The following IL36B variants were observed in gnomAD, a reference collection of about 807,000 sequenced individuals.
IL36B encodes the protein interleukin-36 beta.
IL36B carries 23 observed loss-of-function variants against 19.3 expected under a neutral mutation model. That is an observed-to-expected ratio of 1.19 (90% CI 0.86 to 1.69). The LOEUF (loss-of-function observed/expected upper bound fraction) is 1.69. Among genes scored for constraint, IL36B ranks in the 40% most tolerant of loss-of-function variants. IL36B has a pLI of 0.00. For missense variants in IL36B, 217 were observed against 200.5 expected (o/e 1.08, Z -0.50); for synonymous variants, 59 against 59.7 (o/e 0.99, Z 0.05).
intron 2 of IL36B, 50 bp from the exon 3 acceptor site, chr2:113,031,205 G>C: frequency 1.6e-6 from 2 of 1,256,746 alleles, no homozygotes; most frequent in Non-Finnish European, 2.3e-6. Context: ...ATCAACTTCA[G>C]GACTCCAGTT....
chr2:113,027,246 CAG>C (rs1174950288), intron 4 of IL36B, among the ~76,000 whole-genome samples, 185 bp downstream of exon 5: 1 of 152,018 alleles, frequency 6.6e-6, no homozygotes, highest in African/African-American at 2.4e-5. Context: ...TTTGCTGTCT[CAG>C]GGGTGGAGAG....
chr2:113,026,161 G>T lies in IL36B; in HGVS notation c.333C>A (p.Asn111Lys), dbSNP rs548863506. 1.2e-6 allele frequency: 2 copies of T among 1,613,902 alleles called. No homozygotes were observed. The highest frequency in any genetic ancestry group is 2.2e-5 in the South Asian group (2 of 91,068). ...TGAAGCAGCTCTCTCTCACATCCAGGTTTATGCATGTGTGAATTCCAACTA... is the reference window on the plus strand; with the variant it reads ...TGAAGCAGCTCTCTCTCACATCCAGTTTTATGCATGTGTGAATTCCAACTA... The change falls in exon 5 of 6, where the codon AAC becomes AAA. Residue 111 changes from asparagine to lysine, a missense_variant. Transcript: ENST00000259213.
intron 1 of IL36B, among the ~76,000 whole-genome samples, chr2:113,047,636 A>C (rs1685371823): frequency 6.6e-6 from 1 of 152,206 alleles, no homozygotes; most frequent in Admixed American, 6.5e-5. Context: ...TGGGAATGAT[A>C]AGGTTTTCCA....
At chr2:113,040,835 A>G (rs1685243771) in intron 1 of IL36B, among the ~76,000 whole-genome samples, 1 of 152,218 alleles carries the variant, frequency 6.6e-6, no homozygotes, top group Non-Finnish European at 1.5e-5. Flanking sequence ...CTCTACCATA[A>G]TAGCACTAGG....
intron 1 of IL36B, among the ~76,000 whole-genome samples, chr2:113,048,043 G>T (rs565815742): frequency 5.3e-5 from 8 of 152,174 alleles, no homozygotes; most frequent in East Asian, 3.9e-4. Flanking sequence ...ATAAAAACAC[G>T]CCAGGTAAAA....
rs72944584 is a variant in IL36B at position 113,036,921 on chromosome 2, C to T, written c.-57-5155G>A. Among the ~76,000 whole-genome samples the T allele has an allele frequency of 7.0e-3, 1,059 of 152,334 alleles. 15 individuals are homozygous for T. The highest frequency in any genetic ancestry group is 0.024 in the African/African-American group (1,012 of 41,566). On this transcript the variant is annotated intron_variant, in intron 1 of 5. Coordinates refer to ENST00000259213, the MANE Select transcript of IL36B (RefSeq NM_014438.5). ...GCCTATCTTGCCTGCATCCTGCCTG[C>T]AGGGAATTTGCGCTGCTCCGATTCT...
Position 113,050,722 on chromosome 2 carries a change from G to GATA in IL36B, c.-58+2092_-58+2094dup, listed in dbSNP as rs1258838280. Among the ~76,000 whole-genome samples the GATA allele has an allele frequency of 2.6e-5, 4 of 152,196 alleles. No individual in the cohort carries two copies. The East Asian group carries it at 7.7e-4, about 29-fold the overall frequency. On this transcript the variant is annotated intron_variant, in intron 1 of 5. Coordinates refer to ENST00000259213, the MANE Select transcript of IL36B (RefSeq NM_014438.5). ...TTATCAAAAACAGCAAAAAGGGACA[G>GATA]ATAATAATAATAAAAAAAGATAGTT...
chr2:113,037,680 C>A (rs1186086616), intron 1 of IL36B, among the ~76,000 whole-genome samples: 1 of 151,666 alleles, frequency 6.6e-6, no homozygotes, highest in Non-Finnish European at 1.5e-5. Flanking sequence ...ATGGTCTATA[C>A]TTTCTGATTT....
intron 1 of IL36B, among the ~76,000 whole-genome samples, chr2:113,041,644 G>A (rs1685259614): frequency 6.6e-6 from 1 of 152,224 alleles, no homozygotes; most frequent in South Asian, 2.1e-4. Flanking sequence ...AAATGACACT[G>A]TTAAGGAAAC....
chr2:113,043,410 G>A (rs1685294833), intron 1 of IL36B, among the ~76,000 whole-genome samples: 1 of 152,124 alleles, frequency 6.6e-6, no homozygotes, highest in Non-Finnish European at 1.5e-5. Flanking sequence ...TGTAGATTAT[G>A]TTTTCCATTT....
chr2:113,026,311 T>C, intron 4 of IL36B: 3 of 1,588,176 alleles, frequency 1.9e-6, no homozygotes, highest in Non-Finnish European at 2.6e-6. Flanking sequence ...TGCACGGCAA[T>C]GACTGGAGTA....
rs564441932 is a variant in IL36B, at chr2:113,025,455, G to A, written c.391+648C>T. On this transcript the variant is annotated intron_variant, in intron 5 of 5. Transcript: ENST00000259213. ...CATTCTGAGAAACTGCTAAGAGGGA[G>A]GGAAGATTTGGTATCTAAAGGGAGT... Among the ~76,000 whole-genome samples, 15 of 152,284 alleles carry A rather than the reference G, an allele frequency of 9.9e-5. No individual in the cohort carries two copies. The South Asian group carries it at 2.5e-3, about 25-fold the overall frequency.
chr2:113,052,616 A>C (rs984502314), intron 1 of IL36B, among the ~76,000 whole-genome samples: 9 of 152,206 alleles, frequency 5.9e-5, no homozygotes, highest in Non-Finnish European at 8.8e-5. Flanking sequence ...ACAAACGTTA[A>C]CCTTTCTTGT....
In IL36B at chr2:113,026,060, G is replaced by A. The variant is rs1433177334; in HGVS notation, c.391+43C>T. On this transcript the variant is annotated intron_variant, in intron 5 of 5. Transcript: ENST00000259213. ...AACCATGAAGAATGAACGCATCTCA[G>A]AATTGTCCACCTGTGGGATGGATAA... is the stretch of plus-strand genomic sequence containing the variant. 7 of 1,603,436 alleles carry A rather than the reference G, an allele frequency of 4.4e-6. No individual in the cohort carries two copies. The East Asian group carries it at 1.6e-4, about 36-fold the overall frequency.
chr2:113,030,563 G>A (rs1181408428), intron 3 of IL36B, among the ~76,000 whole-genome samples: 2 of 152,204 alleles, frequency 1.3e-5, no homozygotes, highest in Non-Finnish European at 2.9e-5. Flanking sequence ...GCAGGGAAGC[G>A]AGGAATTAAA....
intron 5 of IL36B, among the ~76,000 whole-genome samples, chr2:113,024,480 T>G (rs1684917068): frequency 6.6e-6 from 1 of 152,244 alleles, no homozygotes; most frequent in African/African-American, 2.4e-5. Flanking sequence ...AAGTGCCTTC[T>G]GATACTGATT....
chr2:113,036,991 A>T (rs952330962), intron 1 of IL36B, among the ~76,000 whole-genome samples: 2 of 152,254 alleles, frequency 1.3e-5, no homozygotes, highest in Non-Finnish European at 2.9e-5. Flanking sequence ...GTGGTAGCAC[A>T]AGTGCTAAGA....
intron 1 of IL36B, among the ~76,000 whole-genome samples, chr2:113,033,081 T>A (rs1685108379): frequency 2.6e-5 from 4 of 152,210 alleles, no homozygotes; most frequent in Admixed American, 2.6e-4. Flanking sequence ...TGTGTTTGCA[T>A]CTGATGTTAG....
intron 3 of IL36B, among the ~76,000 whole-genome samples, chr2:113,029,655 G>T (rs1685036836): frequency 1.3e-5 from 2 of 152,184 alleles, no homozygotes; most frequent in Non-Finnish European, 2.9e-5. Flanking sequence ...AGTCCCACTT[G>T]GGATACATGA....
Sources: allele counts gnomAD v4.1 joint callset (sites outside exome capture counted in the v4.1 genomes callset), GRCh38; gene constraint gnomAD v4.1.1; transcripts MANE v1.5; gene names NCBI Gene and HGNC (gene_info 2026-07-23, HGNC 2026-07-21).